The following SMCO2 variants were observed in gnomAD, a reference collection of about 807,000 sequenced individuals.
SMCO2 encodes the protein single-pass membrane and coiled-coil domain-containing protein 2.
A neutral mutation model predicts 29.5 loss-of-function variants in SMCO2; 25 were observed. The ratio of observed to expected loss-of-function variants is 0.85; its 90% CI spans 0.62 to 1.18. The LOEUF is 1.18. SMCO2 is among the 50% of genes most tolerant of loss of function. SMCO2 has a pLI of 0.00. For missense variants in SMCO2, 348 were observed against 344.5 expected (o/e 1.01, Z -0.08); for synonymous variants, 117 against 123.3 (o/e 0.95, Z 0.34).
chr12:27,465,047 A>AG (rs1426707000), upstream of SMCO2, among the ~76,000 whole-genome samples: 1 of 150,042 alleles, frequency 6.7e-6, no homozygotes, highest in African/African-American at 2.4e-5. Flanking sequence ...AAAAAAAAAA[A>AG]AAAAGAAAGA....
At chr12:27,468,062 A>G (rs1476095952) in intron 1 of SMCO2, among the ~76,000 whole-genome samples, 1 of 152,202 alleles carries the variant, frequency 6.6e-6, no homozygotes, top group Non-Finnish European at 1.5e-5. Context: ...TACTCCTCAC[A>G]TCTCTAATAA....
At chr12:27,456,163 C>T in the SMCO2 span, among the ~76,000 whole-genome samples, 8,308 of 152,160 alleles carry the variant, frequency 0.055, 628 homozygotes, top group African/African-American at 0.17. Context: ...TGCGGTGAGC[C>T]GAGATCGCAC....
At chr12:27,490,801 G>A (rs1346789566) in intron 5 of SMCO2, among the ~76,000 whole-genome samples, 4 of 152,030 alleles carry the variant, frequency 2.6e-5, no homozygotes, top group African/African-American at 7.2e-5. Context: ...GCATGGTGGT[G>A]CATGCCTGTA....
At chr12:27,461,719 C>A in the SMCO2 span, among the ~76,000 whole-genome samples, 2 of 152,220 alleles carry the variant, frequency 1.3e-5, no homozygotes, top group African/African-American at 4.8e-5. Context: ...ATTTGTCAGA[C>A]AAACTTTCTT....
the SMCO2 span, chr12:27,424,417 G>T: frequency 1.3e-5 from 2 of 152,174 alleles, no homozygotes; most frequent in Admixed American, 1.3e-4. Flanking sequence ...GAGTTATATG[G>T]TCATCACTAA....
chr12:27,430,532 A>G, the SMCO2 span, among the ~76,000 whole-genome samples: 1 of 152,172 alleles, frequency 6.6e-6, no homozygotes, highest in African/African-American at 2.4e-5. Flanking sequence ...AACTTTCAGA[A>G]ACAGTTTGGC....
the SMCO2 span, among the ~76,000 whole-genome samples, chr12:27,433,022 G>T: frequency 6.6e-5 from 10 of 152,208 alleles, no homozygotes; most frequent in Middle Eastern, 3.4e-3. Flanking sequence ...CTACAGAATG[G>T]CCATTTATAA....
At chr12:27,466,587 A>G (rs1219033550), upstream of SMCO2, among the ~76,000 whole-genome samples, 1 of 152,060 alleles carries the variant, frequency 6.6e-6, no homozygotes, top group Non-Finnish European at 1.5e-5. Context: ...GCATCCCAGA[A>G]CACCATATCA....
At chr12:27,457,209 A>G in the SMCO2 span, among the ~76,000 whole-genome samples, 2 of 152,082 alleles carry the variant, frequency 1.3e-5, no homozygotes. Context: ...CCCAGGCCGC[A>G]CACATTACTA....
At chr12:27,466,537 G>A (rs1235388957), upstream of SMCO2, among the ~76,000 whole-genome samples, 6 of 152,250 alleles carry the variant, frequency 3.9e-5, no homozygotes, top group East Asian at 1.9e-4. Context: ...AGTGAGAGAC[G>A]AAAGGAGCAG....
the SMCO2 span, among the ~76,000 whole-genome samples, chr12:27,458,781 G>A: frequency 1.1e-4 from 17 of 151,958 alleles, no homozygotes; most frequent in Non-Finnish European, 2.2e-4. Context: ...CAGTTACTCT[G>A]GAGGCTGAGG....
chr12:27,441,814 C>T, the SMCO2 span, among the ~76,000 whole-genome samples: 3 of 152,104 alleles, frequency 2.0e-5, no homozygotes, highest in Non-Finnish European at 4.4e-5. Context: ...CAGAATAGAC[C>T]ATATCTTAGG....
At chr12:27,494,936 G>A (rs952107929) in intron 6 of SMCO2, among the ~76,000 whole-genome samples, 5 of 151,742 alleles carry the variant, frequency 3.3e-5, no homozygotes, top group South Asian at 4.2e-4. Flanking sequence ...CTTGCCCTTC[G>A]GGTCTACATA....
chr12:27,450,884 G>T, the SMCO2 span, among the ~76,000 whole-genome samples: 1 of 152,168 alleles, frequency 6.6e-6, no homozygotes, highest in African/African-American at 2.4e-5. Flanking sequence ...TTATGTCCAT[G>T]AACGAGGCTA....
chr12:27,457,966 T>G, the SMCO2 span, among the ~76,000 whole-genome samples: 2 of 152,244 alleles, frequency 1.3e-5, no homozygotes, highest in African/African-American at 4.8e-5. Context: ...ATTAAAATTT[T>G]CTTCTCATTC....
the SMCO2 span, among the ~76,000 whole-genome samples, chr12:27,459,762 A>G: frequency 5.3e-5 from 8 of 152,200 alleles, no homozygotes; most frequent in Admixed American, 6.5e-5. Flanking sequence ...AAGCCATCAC[A>G]CTCACATCCT....
rs957146383 is a variant in SMCO2 at position 27,501,828 on chromosome 12, T to C, written c.684-95T>C. On this transcript the variant is annotated intron_variant, in intron 7 of 7. Coordinates refer to ENST00000298876, the Ensembl canonical transcript of SMCO2. The stretch of plus-strand genomic sequence containing the variant: ...TGAAGTCAAGAGAAAATTACTTAGT[T>C]GAAGTTTTAGAGCTACCTGGGTGGA... 4.2e-6 allele frequency: 4 copies of C among 949,572 alleles called. No individual in the cohort carries two copies. In the African/African-American group the frequency reaches 5.3e-5, roughly 12 times the overall value. The allele number at this position is 949,572 out of a possible 1,614,324, so 58.8% of individuals were successfully genotyped here. A position where few individuals can be genotyped will look rare whatever the true frequency, so the allele number is the denominator to read the frequency against.
chr12:27,480,706 C>A (rs879787912), intron 4 of SMCO2, among the ~76,000 whole-genome samples: 6 of 151,652 alleles, frequency 4.0e-5, no homozygotes, highest in South Asian at 2.1e-4. Flanking sequence ...ACCTCTCCCC[C>A]CCCTCTCTCT....
At chr12:27,428,446 G>C in the SMCO2 span, among the ~76,000 whole-genome samples, 116,592 of 152,118 alleles carry the variant, frequency 0.77, 44,988 homozygotes, top group Middle Eastern at 0.9. Flanking sequence ...AAGGCACTTT[G>C]AGTATGTGAG....
Sources: allele counts gnomAD v4.1 joint callset (sites outside exome capture counted in the v4.1 genomes callset), GRCh38; gene constraint gnomAD v4.1.1; transcripts MANE v1.5; gene names NCBI Gene and HGNC (gene_info 2026-07-23, HGNC 2026-07-21).